Variants in GRM1 observed in about 807,000 individuals in gnomAD.
The protein encoded by GRM1 is glutamate metabotropic receptor 1.
In GRM1, 33 loss-of-function variants were observed where a neutral mutation model predicts 90.9. The observed-to-expected ratio is 0.36, with a 90% CI of 0.28 to 0.49. The LOEUF (loss-of-function observed/expected upper bound fraction) is 0.49. Ranked by LOEUF, GRM1 falls within the 20% of genes least tolerant of loss-of-function variation. The probability of loss-of-function intolerance (pLI) is 0.99; values close to 1 mark genes in which losing one functional copy is unlikely to be tolerated. For synonymous variants in GRM1, 700 were observed against 613.2 expected (o/e 1.14, Z -2.09); for missense variants, 1,190 against 1,534.3 (o/e 0.78, Z 3.75).
chr6:146,171,275 A>G, intron 2 of GRM1: 1 of 152,190 alleles, frequency 6.6e-6, no homozygotes, highest in South Asian at 2.1e-4. Context: ...ACAAAATTTT[A>G]ATATTGAGTT....
intron 7 of GRM1, among the ~76,000 whole-genome samples, chr6:146,421,350 T>C (rs1297245234): frequency 6.6e-6 from 1 of 151,872 alleles, no homozygotes; most frequent in Non-Finnish European, 1.5e-5. Flanking sequence ...ACTCTAGCTA[T>C]ACATAATACT....
At chr6:146,185,492 C>T (rs1468618400) in intron 2 of GRM1, among the ~76,000 whole-genome samples, 1 of 152,142 alleles carries the variant, frequency 6.6e-6, no homozygotes, top group Non-Finnish European at 1.5e-5. Flanking sequence ...TTTCTGTTAC[C>T]CTTTGTAGGC....
intron 2 of GRM1, among the ~76,000 whole-genome samples, chr6:146,237,859 TAC>T (rs1166650899): frequency 6.6e-6 from 1 of 152,180 alleles, no homozygotes; most frequent in African/African-American, 2.4e-5. Context: ...AGGGCGTAAG[TAC>T]AGACTACGTA....
chr6:146,085,038 A>G (rs1395291497), intron 1 of GRM1, among the ~76,000 whole-genome samples: 1 of 152,140 alleles, frequency 6.6e-6, no homozygotes, highest in Non-Finnish European at 1.5e-5. Flanking sequence ...TAGTCATGCC[A>G]TTTTTTAAGT....
intron 1 of GRM1, among the ~76,000 whole-genome samples, chr6:146,091,653 G>C (rs934084734): frequency 2.0e-5 from 3 of 152,036 alleles, no homozygotes; most frequent in Non-Finnish European, 2.9e-5. Flanking sequence ...CATTTTTACA[G>C]TATTTATATT....
chr6:146,099,267 G>T (rs962662553), intron 1 of GRM1, among the ~76,000 whole-genome samples: 1 of 152,038 alleles, frequency 6.6e-6, no homozygotes, highest in African/African-American at 2.4e-5. Flanking sequence ...TGCACCTGTG[G>T]TCCCAGCTAC....
chr6:146,128,529 C>G (rs1415989323), intron 1 of GRM1, among the ~76,000 whole-genome samples: 1 of 152,026 alleles, frequency 6.6e-6, no homozygotes, highest in African/African-American at 2.4e-5. Context: ...ACCCATGGCT[C>G]TAGAGTTTGT....
chr6:146,257,493 GTGTC>G (rs1482539719), intron 2 of GRM1, among the ~76,000 whole-genome samples: 5 of 150,674 alleles, frequency 3.3e-5, no homozygotes, highest in South Asian at 2.1e-4. Context: ...GCGTATGTGT[GTGTC>G]TGTCTGTGTA....
intron 3 of GRM1, among the ~76,000 whole-genome samples, chr6:146,343,958 GA>G (rs1785079556): frequency 2.6e-5 from 4 of 152,076 alleles, no homozygotes; most frequent in Non-Finnish European, 4.4e-5. Flanking sequence ...ACTGCTATTG[GA>G]GTGTTGTTGA....
intron 7 of GRM1, among the ~76,000 whole-genome samples, chr6:146,430,516 T>G (rs1778369969): frequency 6.6e-6 from 1 of 152,190 alleles, no homozygotes; most frequent in Non-Finnish European, 1.5e-5. Context: ...AGATTGCTTT[T>G]CCTAAGATTA....
chr6:146,382,559 T>G (rs987936119), intron 5 of GRM1, among the ~76,000 whole-genome samples: 1 of 152,138 alleles, frequency 6.6e-6, no homozygotes. Flanking sequence ...GTAGGAAAGA[T>G]GACATTCTAA....
chr6:146,087,433 C>T (rs920373949), intron 1 of GRM1, among the ~76,000 whole-genome samples: 23 of 152,030 alleles, frequency 1.5e-4, no homozygotes, highest in Admixed American at 1.2e-3. Context: ...ACTAGCTTTA[C>T]GTGCACTTGT....
At chr6:146,413,850 A>T (rs1198526625) in intron 7 of GRM1, among the ~76,000 whole-genome samples, 1 of 152,208 alleles carries the variant, frequency 6.6e-6, no homozygotes, top group Non-Finnish European at 1.5e-5. Context: ...CTATTCTTTC[A>T]CACAACATGA....
At chr6:146,396,093 T>TATCTATCTATCTATCTATCATC (rs1324277052) in intron 6 of GRM1, among the ~76,000 whole-genome samples, 2 of 151,906 alleles carry the variant, frequency 1.3e-5, no homozygotes, top group African/African-American at 4.8e-5. Context: ...TCTATCTATC[T>TATCTATCTATCTATCTATCATC]ATCTATCTAT....
chr6:146,436,293 G>A lies in GRM1; in HGVS notation c.*1497G>A, dbSNP rs145721135. 4 of 152,254 alleles carry A rather than the reference G, an allele frequency of 2.6e-5. No homozygotes were observed. The highest frequency in any genetic ancestry group is 9.6e-5 in the African/African-American group (4 of 41,554). 9.4% of individuals were successfully genotyped at this position (152,254 alleles called of 1,614,324 possible). ...GGAACTTATTTTTCAGATATTTTCT[G>A]ATGTGGAGATATGTTATTAATGAAG... On this transcript the variant is annotated 3_prime_UTR_variant, in exon 8 of 8. Transcript: ENST00000282753.
intron 2 of GRM1, among the ~76,000 whole-genome samples, chr6:146,198,287 G>A (rs1779187777): frequency 6.6e-6 from 1 of 152,212 alleles, no homozygotes; most frequent in African/African-American, 2.4e-5. Flanking sequence ...CATTGTCCAG[G>A]TTCCATCTGG....
At chr6:146,129,374 G>T (rs1410064084) in intron 1 of GRM1, among the ~76,000 whole-genome samples, 2 of 152,102 alleles carry the variant, frequency 1.3e-5, no homozygotes, top group Non-Finnish European at 2.9e-5. Flanking sequence ...CATTAAACAA[G>T]ACAAAGAATT....
intron 2 of GRM1, among the ~76,000 whole-genome samples, chr6:146,291,062 A>C (rs1336382173): frequency 6.6e-6 from 1 of 152,146 alleles, no homozygotes; most frequent in Non-Finnish European, 1.5e-5. Context: ...AATATTGCAG[A>C]TGGAGTTAAG....
chr6:146,331,924 A>G (rs1400307689), intron 3 of GRM1, among the ~76,000 whole-genome samples: 2 of 152,152 alleles, frequency 1.3e-5, no homozygotes, highest in African/African-American at 2.4e-5. Context: ...GAGTGAAACT[A>G]TCATGTGATA....
Sources: gnomAD v4.1 joint callset for allele counts (sites outside exome capture counted in the v4.1 genomes callset) on GRCh38, gnomAD v4.1.1 for gene constraint, MANE v1.5 for transcripts, NCBI Gene and HGNC (gene_info 2026-07-23, HGNC 2026-07-21) for gene names.